The following SCYL2 variants were observed in gnomAD, a reference collection of about 807,000 sequenced individuals.
SCYL2 encodes the protein SCY1 like pseudokinase 2.
A neutral mutation model predicts 100.4 loss-of-function variants in SCYL2; 36 were observed. The observed-to-expected ratio is 0.36, with a 90% CI of 0.27 to 0.47. The LOEUF (loss-of-function observed/expected upper bound fraction) is 0.47. Among genes scored for constraint, SCYL2 ranks in the 20% least tolerant of loss-of-function variants. The probability of loss-of-function intolerance (pLI) is 1.00; values close to 1 mark genes in which losing one functional copy is unlikely to be tolerated. For synonymous variants in SCYL2, 330 were observed against 359.2 expected (o/e 0.92, Z 0.92); for missense variants, 902 against 1,083.9 (o/e 0.83, Z 2.36).
Position 100,341,103 on chromosome 12 carries a change from T to C in SCYL2, c.*1931T>C, listed in dbSNP as rs914009468. 1.3e-5 allele frequency: 2 copies of C among 152,062 alleles called. No homozygotes were observed. The highest frequency in any genetic ancestry group is 1.9e-4 in the East Asian group (1 of 5,204). 9.4% of individuals were successfully genotyped at this position (152,062 alleles called of 1,614,324 possible). On this transcript the variant is annotated 3_prime_UTR_variant, in exon 18 of 18. Coordinates refer to ENST00000360820, the MANE Select transcript of SCYL2 (RefSeq NM_017988.6). ...ATGAAAATAAGTCATTTGAAAAAAATACAGTATGTAAAATTTGTTCATTCG... is the reference window on the plus strand; with the variant it reads ...ATGAAAATAAGTCATTTGAAAAAAACACAGTATGTAAAATTTGTTCATTCG...
rs548342155 is a variant in SCYL2, at chr12:100,334,070, G to A, written c.1762-96G>A. On this transcript the variant is annotated intron_variant, in intron 13 of 17. Transcript: ENST00000360820. ...TGGATCCTATTCTACTGGTAAAAAT[G>A]GAGAATATTATGATTAATTTACTGA... The A allele has an allele frequency of 9.0e-5, 65 of 721,572 alleles. 1 individual carries two copies. The African/African-American group carries it at 1.1e-3, about 12-fold the overall frequency. The allele number at this position is 721,572 out of a possible 1,614,324, so 44.7% of individuals were successfully genotyped here.
intron 4 of SCYL2, among the ~76,000 whole-genome samples, chr12:100,300,439 C>A (rs914893865): frequency 5.9e-5 from 9 of 151,966 alleles, no homozygotes; most frequent in Non-Finnish European, 8.8e-5. Context: ...ATAATAATTG[C>A]ATCATGGAAA....
chr12:100,284,798 C>CT (rs1442836537), intron 2 of SCYL2, among the ~76,000 whole-genome samples: 7 of 152,156 alleles, frequency 4.6e-5, no homozygotes, highest in African/African-American at 1.7e-4. Flanking sequence ...AGAAGCAGCT[C>CT]TTAGTTTCTC....
At chr12:100,290,808 T>G (rs2096309703) in intron 2 of SCYL2, among the ~76,000 whole-genome samples, 1 of 152,146 alleles carries the variant, frequency 6.6e-6, no homozygotes, top group South Asian at 2.1e-4. Flanking sequence ...AGTAGAGCTG[T>G]TTTTTTATTG....
rs758115601 is a variant in SCYL2, at chr12:100,338,740, G to A, written c.2358G>A (p.Met786Ile). 6.8e-6 allele frequency: 11 copies of A among 1,614,078 alleles called. No homozygotes were observed. In the East Asian group the frequency reaches 2.2e-4, roughly 33 times the overall value. The change falls in exon 18 of 18, where the codon ATG becomes ATA. Residue 786 changes from methionine (M) to isoleucine (I), a missense_variant. Physicochemically the swap from Met to Ile is conservative, Grantham distance 10. Coordinates refer to ENST00000360820, the MANE Select transcript of SCYL2 (RefSeq NM_017988.6). Reference sequence around the variant, plus strand: ...GCTTTCAGACTTCAGGATTCAACATGCCCGTTAATACAAACCAGAACTTCT... The same window carrying A: ...GCTTTCAGACTTCAGGATTCAACATACCCGTTAATACAAACCAGAACTTCT... Reference protein sequence around the residue: ...NMGFQTSGFNMPVNTNQNFYS... With the variant: ...NMGFQTSGFNIPVNTNQNFYS...
intron 10 of SCYL2, 127 bp from the exon 11 acceptor site, chr12:100,323,398 A>G (rs2096358322): frequency 1.6e-6 from 1 of 636,248 alleles, no homozygotes; most frequent in Admixed American, 3.2e-5. Flanking sequence ...TGAAAGGACC[A>G]AATAATATAT....
chr12:100,315,528 T>A (rs759995229), intron 8 of SCYL2, 30 bp from the exon 9 acceptor site: 2 of 1,552,304 alleles, frequency 1.3e-6, no homozygotes, highest in Non-Finnish European at 1.7e-6. Context: ...AAATTTTATT[T>A]TTTTTTTAAA....
At chr12:100,331,180 T>A (rs1295104547) in intron 13 of SCYL2, among the ~76,000 whole-genome samples, 1 of 152,090 alleles carries the variant, frequency 6.6e-6, no homozygotes, top group Admixed American at 6.5e-5. Flanking sequence ...ATAGCAGAGT[T>A]GAGGTTAGGG....
intron 11 of SCYL2, among the ~76,000 whole-genome samples, chr12:100,325,664 C>T (rs1764308981): frequency 6.6e-6 from 1 of 151,964 alleles, no homozygotes; most frequent in African/African-American, 2.4e-5. Flanking sequence ...TAAAATCCTC[C>T]AAGAGCTATA....
rs1052095844 is a variant in SCYL2 at position 100,318,329 on chromosome 12, CTTTTTTTTTT to C, written c.1395+414_1395+423del. Among the ~76,000 whole-genome samples, 38 of 130,974 alleles carry C rather than the reference CTTTTTTTTTT, an allele frequency of 2.9e-4. 1 individual carries two copies. The highest frequency in any genetic ancestry group is 1.0e-3 in the African/African-American group (35 of 34,378). The allele number at this position is 130,974 out of a possible 152,430, so 85.9% of individuals were successfully genotyped here. On this transcript the variant is annotated intron_variant, in intron 10 of 17. Transcript: ENST00000360820. ...ATGCATGTGCCTTTTTCTTTTCTTTCTTTTTTTTTTTTTTTTTTTGAGACTGAGTCTTGCT... is the reference window on the plus strand; with the variant it reads ...ATGCATGTGCCTTTTTCTTTTCTTTCTTTTTTTTTGAGACTGAGTCTTGCT...
At chr12:100,300,484 G>A (rs1296904918) in intron 4 of SCYL2, among the ~76,000 whole-genome samples, 2 of 152,102 alleles carry the variant, frequency 1.3e-5, no homozygotes, top group Non-Finnish European at 2.9e-5. Flanking sequence ...TTTATCCTCT[G>A]TATTACAATC....
At chr12:100,318,209 T>C (rs2096351354) in intron 10 of SCYL2, among the ~76,000 whole-genome samples, 1 of 152,226 alleles carries the variant, frequency 6.6e-6, no homozygotes, top group Non-Finnish European at 1.5e-5. Flanking sequence ...TGTACTATTA[T>C]GGAAGAAGAT....
intron 9 of SCYL2, among the ~76,000 whole-genome samples, chr12:100,316,115 T>TAAG (rs779366286): frequency 2.0e-5 from 3 of 152,250 alleles, no homozygotes; most frequent in Non-Finnish European, 4.4e-5. Flanking sequence ...TTTTGTTATT[T>TAAG]AAGTCTTTAA....
chr12:100,311,884 T>C (rs1426518502), intron 5 of SCYL2, among the ~76,000 whole-genome samples: 8 of 152,172 alleles, frequency 5.3e-5, no homozygotes, highest in Admixed American at 1.3e-4. Flanking sequence ...GTGATAGGTT[T>C]TTCTTATATG....
intron 12 of SCYL2, chr12:100,327,330 G>T (rs1367011793): frequency 1.2e-5 from 2 of 170,752 alleles, no homozygotes; most frequent in African/African-American, 4.8e-5. Flanking sequence ...AACCTTATAG[G>T]ACATTCTGTT....
chr12:100,275,789 T>G (rs1322284611), intron 1 of SCYL2, among the ~76,000 whole-genome samples: 1 of 152,240 alleles, frequency 6.6e-6, no homozygotes, highest in Non-Finnish European at 1.5e-5. Context: ...GTATTTTATC[T>G]TTAAATATAA....
chr12:100,323,960 GT>G lies in SCYL2; in HGVS notation c.1509+323del. 2.5e-5 allele frequency: 4 copies of G among 162,770 alleles called. 1 individual carries two copies. In the Middle Eastern group the frequency reaches 2.7e-3, roughly 109 times the overall value. The allele number at this position is 162,770 out of a possible 1,614,324, so 10.1% of individuals were successfully genotyped here. ...AAAAATATTATGAGAGTTTAACTTGGTATCTAAGCGTAAAAACTTGTTGAAA... is the reference window on the plus strand; with the variant it reads ...AAAAATATTATGAGAGTTTAACTTGGATCTAAGCGTAAAAACTTGTTGAAA... On this transcript the variant is annotated intron_variant, in intron 11 of 17. Transcript: ENST00000360820.
chr12:100,304,277 G>A (rs61940543), intron 4 of SCYL2, among the ~76,000 whole-genome samples: 2,475 of 151,954 alleles, frequency 0.016, 38 homozygotes, highest in African/African-American at 0.031. Context: ...GTTCTGTCTC[G>A]CTGGAGTTCT....
chr12:100,317,305 C>T (rs2096350046), intron 9 of SCYL2, among the ~76,000 whole-genome samples: 1 of 152,074 alleles, frequency 6.6e-6, no homozygotes, highest in Non-Finnish European at 1.5e-5. Context: ...CTTGGCTGGA[C>T]TTAACTTCTG....
Sources: allele counts gnomAD v4.1 joint callset (sites outside exome capture counted in the v4.1 genomes callset), GRCh38; gene constraint gnomAD v4.1.1; transcripts MANE v1.5; gene names NCBI Gene and HGNC (gene_info 2026-07-23, HGNC 2026-07-21).